L3MBTL4: variants seen among roughly 807,000 people sequenced by gnomAD.
L3MBTL4 encodes the protein L3MBTL histone methyl-lysine binding protein 4.
Under a neutral mutation model 84.5 loss-of-function variants are expected in L3MBTL4, and 70 were observed. The observed-to-expected ratio is 0.83, with a 90% confidence interval of 0.68 to 1.01. The LOEUF (loss-of-function observed/expected upper bound fraction) is 1.01, where lower values mean the gene tolerates loss of function less well. Ranked by LOEUF, L3MBTL4 falls within the 50% of genes least tolerant of loss-of-function variation. The pLI, the probability that L3MBTL4 is intolerant of heterozygous loss-of-function variation, is 0.00. For synonymous variants in L3MBTL4, 274 were observed against 259.8 expected, an observed-to-expected ratio of 1.05 and a Z score of -0.52; for missense variants, 715 against 754.8, an observed-to-expected ratio of 0.95 and a Z score of 0.62.
At chr18:6,012,721 T>C (rs1423577124) in intron 16 of L3MBTL4, among the ~76,000 whole-genome samples, 14 of 151,266 alleles carry the variant, frequency 9.3e-5, no homozygotes, top group Non-Finnish European at 2.1e-4. Flanking sequence ...TGCAGTGAGC[T>C]ATGACTGCGC....
intron 14 of L3MBTL4, among the ~76,000 whole-genome samples, chr18:6,100,964 C>A (rs1598748211): frequency 6.6e-6 from 1 of 152,198 alleles, no homozygotes; most frequent in East Asian, 1.9e-4. Flanking sequence ...GATGAAAGCC[C>A]CATTTCCCAC....
chr18:6,409,048 A>G (rs373612563), intron 1 of L3MBTL4, among the ~76,000 whole-genome samples: 1 of 152,118 alleles, frequency 6.6e-6, no homozygotes, highest in Non-Finnish European at 1.5e-5. Context: ...CTGTCTGCCT[A>G]CTTCCCTTAT....
chr18:6,225,921 T>C (rs2046764537), intron 10 of L3MBTL4, among the ~76,000 whole-genome samples: 1 of 152,046 alleles, frequency 6.6e-6, no homozygotes, highest in African/African-American at 2.4e-5. Context: ...TAAAGGCTTT[T>C]CCAGGCAAAT....
chr18:6,218,852 G>A (rs2046431990), intron 10 of L3MBTL4, among the ~76,000 whole-genome samples: 1 of 152,156 alleles, frequency 6.6e-6, no homozygotes, highest in Admixed American at 6.5e-5. Flanking sequence ...GGCTGCAGGG[G>A]GAGTGGGAGG....
At chr18:6,209,530 T>C (rs1200811069) in intron 12 of L3MBTL4, among the ~76,000 whole-genome samples, 1 of 151,120 alleles carries the variant, frequency 6.6e-6, no homozygotes, top group Non-Finnish European at 1.5e-5. Flanking sequence ...ATTGGAGTCC[T>C]CATATACCGC....
intron 1 of L3MBTL4, chr18:6,356,754 G>A (rs192278597): frequency 6.6e-6 from 1 of 152,324 alleles, no homozygotes; most frequent in African/African-American, 2.4e-5. Flanking sequence ...TGAATGGGAA[G>A]GCTGGGACGT....
At chr18:6,070,227 T>C (rs750751734) in intron 16 of L3MBTL4, among the ~76,000 whole-genome samples, 2 of 152,000 alleles carry the variant, frequency 1.3e-5, no homozygotes, top group Non-Finnish European at 2.9e-5. Flanking sequence ...AAGAGACAAA[T>C]ATAAGGCACT....
intron 14 of L3MBTL4, 27 bp from the exon 15 acceptor site, chr18:6,093,555 GTCA>G (rs781107434): frequency 6.2e-7 from 1 of 1,602,310 alleles, no homozygotes; most frequent in Non-Finnish European, 8.5e-7. Flanking sequence ...TGAGAGCACA[GTCA>G]TCAGTATACA....
At chr18:6,076,202 G>A (rs3865423) in intron 16 of L3MBTL4, among the ~76,000 whole-genome samples, 65,139 of 152,006 alleles carry the variant, frequency 0.43, 14,346 homozygotes, top group East Asian at 0.63. Context: ...GTTCCTAGTG[G>A]AAACAGTGCA....
chr18:6,345,327 G>A (rs901020658), intron 1 of L3MBTL4, among the ~76,000 whole-genome samples: 3 of 151,802 alleles, frequency 2.0e-5, no homozygotes, highest in Non-Finnish European at 4.4e-5. Flanking sequence ...AACCCGTGAG[G>A]CGGAGGTTGC....
At chr18:6,193,598 C>T (rs973602014) in intron 12 of L3MBTL4, among the ~76,000 whole-genome samples, 4 of 152,214 alleles carry the variant, frequency 2.6e-5, no homozygotes, top group Non-Finnish European at 4.4e-5. Flanking sequence ...CAGAGTTGAA[C>T]GGTGACCTTG....
At chr18:6,286,076 C>T (rs1012782902) in intron 4 of L3MBTL4, among the ~76,000 whole-genome samples, 4 of 151,846 alleles carry the variant, frequency 2.6e-5, no homozygotes, top group African/African-American at 4.8e-5. Context: ...GTGATCCGCC[C>T]GCCTCGGCCT....
chr18:6,373,498 C>T (rs2054243867), intron 1 of L3MBTL4, among the ~76,000 whole-genome samples: 1 of 152,088 alleles, frequency 6.6e-6, no homozygotes, highest in African/African-American at 2.4e-5. Context: ...TTCACCAAAC[C>T]CCTATTCCTA....
At chr18:6,388,263 G>C (rs2054905593) in intron 1 of L3MBTL4, among the ~76,000 whole-genome samples, 9 of 152,138 alleles carry the variant, frequency 5.9e-5, no homozygotes, top group Admixed American at 5.9e-4. Flanking sequence ...ATGTATTAAG[G>C]ATGGTTATTC....
At chr18:6,020,014 T>G (rs759408914) in intron 16 of L3MBTL4, among the ~76,000 whole-genome samples, 1 of 152,162 alleles carries the variant, frequency 6.6e-6, no homozygotes, top group Admixed American at 6.5e-5. Context: ...AGACCCTAAG[T>G]TGGGCAATGC....
intron 3 of L3MBTL4, among the ~76,000 whole-genome samples, chr18:6,309,593 A>C (rs1343882398): frequency 6.6e-6 from 1 of 152,232 alleles, no homozygotes. Context: ...CTAAGTGTTA[A>C]GCACTTCTGG....
At chr18:5,994,168 T>A (rs566508305) in intron 16 of L3MBTL4, among the ~76,000 whole-genome samples, 1 of 152,298 alleles carries the variant, frequency 6.6e-6, no homozygotes, top group East Asian at 1.9e-4. Context: ...CCGGAAAGCC[T>A]AGGCACTGCG....
rs1176259606 is a variant in L3MBTL4 at position 6,246,109 on chromosome 18, C to T, written c.220-1521G>A. ...ACATACTTGTAGGTCTTATTTCTGA[C>T]CCCTCTCTTATGTTTCATTGACTTA... On this transcript the variant is annotated intron_variant, in intron 5 of 18. Transcript: ENST00000317931. Among the ~76,000 whole-genome samples, 6 of 152,064 alleles carry T rather than the reference C, an allele frequency of 3.9e-5. No homozygotes were observed. In the East Asian group the frequency reaches 1.2e-3, roughly 29 times the overall value.
At chr18:6,309,160 C>A (rs978204224) in intron 3 of L3MBTL4, among the ~76,000 whole-genome samples, 1 of 152,156 alleles carries the variant, frequency 6.6e-6, no homozygotes, top group African/African-American at 2.4e-5. Context: ...CGCTTGTAAA[C>A]CAGAAGGGTA....
Sources: gnomAD v4.1 joint callset for allele counts (sites outside exome capture counted in the v4.1 genomes callset) on GRCh38, gnomAD v4.1.1 for gene constraint, MANE v1.5 for transcripts, NCBI Gene and HGNC (gene_info 2026-07-23, HGNC 2026-07-21) for gene names.